SPTBN1: variants seen among roughly 807,000 people sequenced by gnomAD.
The protein encoded by SPTBN1 is spectrin beta chain, non-erythrocytic 1.
SPTBN1 carries 32 observed loss-of-function variants against 266.4 expected under a neutral mutation model. The observed-to-expected ratio is 0.12, with a 90% CI of 0.09 to 0.16. The LOEUF (loss-of-function observed/expected upper bound fraction) is 0.16. Ranked by LOEUF, SPTBN1 falls within the 10% of genes least tolerant of loss-of-function variation. The pLI, the probability that SPTBN1 is intolerant of heterozygous loss-of-function variation, is 1.00. For synonymous variants in SPTBN1, 1,336 were observed against 1,162.2 expected, an observed-to-expected ratio of 1.15 and a Z score of -3.04; for missense variants, 2,296 against 3,067.1, an observed-to-expected ratio of 0.75 and a Z score of 5.94.
chr2:54,646,481 A>G lies in SPTBN1; in HGVS notation c.4866+6A>G. On this transcript the variant is annotated splice_donor_region_variant and intron_variant, in intron 23 of 35. Coordinates refer to ENST00000356805, the MANE Select transcript of SPTBN1 (RefSeq NM_003128.3). This position sits in a 1 kb window ranked among gnomAD's most constrained non-coding sequence, Gnocchi z 4.4. ...TGTCAGAGGAGAAGGCCAAGGTGAGAGGAGGCGGGAAGCATCCCTGTCCCA... is the reference window on the plus strand; with the variant it reads ...TGTCAGAGGAGAAGGCCAAGGTGAGGGGAGGCGGGAAGCATCCCTGTCCCA... The G allele has an allele frequency of 1.3e-6, 2 of 1,501,266 alleles. No individual in the cohort carries two copies. The highest frequency in any genetic ancestry group is 2.3e-5 in the East Asian group (1 of 43,070). The allele number at this position is 1,501,266 out of a possible 1,614,324, so 93.0% of individuals were successfully genotyped here. A position where few individuals can be genotyped will look rare whatever the true frequency, so the allele number is the denominator to read the frequency against.
At chr2:54,622,561 G>C in intron 9 of SPTBN1, 74 bp downstream of exon 9, 1 of 1,520,860 alleles carries the variant, frequency 6.6e-7, no homozygotes, top group Non-Finnish European at 9.0e-7. Flanking sequence ...CCTATGTTCT[G>C]ATTTCTGTAA....
intron 1 of SPTBN1, among the ~76,000 whole-genome samples, chr2:54,498,176 G>A (rs1221356527): frequency 1.3e-5 from 2 of 152,202 alleles, no homozygotes; most frequent in Non-Finnish European, 2.9e-5. Context: ...CTGAAAGGCA[G>A]CAAGAGAGTA....
intron 2 of SPTBN1, among the ~76,000 whole-genome samples, chr2:54,567,758 C>T (rs1176229323): frequency 1.3e-5 from 2 of 152,030 alleles, no homozygotes; most frequent in Admixed American, 6.6e-5. Flanking sequence ...TTTCTTAACT[C>T]TGGTCACTGA....
intron 30 of SPTBN1, 98 bp downstream of exon 30, chr2:54,658,144 T>A: frequency 6.8e-7 from 1 of 1,474,100 alleles, no homozygotes; most frequent in Non-Finnish European, 9.2e-7. Context: ...TGCTTGTTTT[T>A]GTTTTTTGGG....
chr2:54,570,495 G>T (rs1258058367), intron 2 of SPTBN1, among the ~76,000 whole-genome samples: 6 of 152,180 alleles, frequency 3.9e-5, no homozygotes, highest in African/African-American at 1.2e-4. Context: ...GTTCTACGCT[G>T]GTGGCAAGGA....
rs563593198 is a variant in SPTBN1, at chr2:54,655,291, A to G, written c.5961+83A>G. On this transcript the variant is annotated intron_variant, in intron 28 of 35. Transcript: ENST00000356805. Reference sequence around the variant, plus strand: ...TTTTATATGTTTGTGTGTGTCAGAGATACTGTGTTTACATTCTTATACACA... The same window carrying G: ...TTTTATATGTTTGTGTGTGTCAGAGGTACTGTGTTTACATTCTTATACACA... 21 of 1,540,896 alleles carry G rather than the reference A, an allele frequency of 1.4e-5. No homozygotes were observed. The East Asian group carries it at 3.6e-4, about 27-fold the overall frequency.
At chr2:54,609,419 C>T (rs963603751) in intron 3 of SPTBN1, among the ~76,000 whole-genome samples, 1 of 152,182 alleles carries the variant, frequency 6.6e-6, no homozygotes, top group African/African-American at 2.4e-5. Flanking sequence ...ATCTGGACAT[C>T]ATTTTCTTCA....
In SPTBN1 at chr2:54,631,751, C is replaced by T. The variant is rs1318121181; in HGVS notation, c.3564+140C>T. ...AATTTAGAGACTGATTTTTTTTTCCCCATACTCTTAAGGCATTGAAATCCA... is the reference window on the plus strand; with the variant it reads ...AATTTAGAGACTGATTTTTTTTTCCTCATACTCTTAAGGCATTGAAATCCA... On this transcript the variant is annotated intron_variant, in intron 16 of 35. Transcript: ENST00000356805. 2.6e-6 allele frequency: 3 copies of T among 1,157,994 alleles called. No homozygotes were observed. In the East Asian group the frequency reaches 7.4e-5, roughly 29 times the overall value. The allele number at this position is 1,157,994 out of a possible 1,614,324, so 71.7% of individuals were successfully genotyped here. A position where few individuals can be genotyped will look rare whatever the true frequency, so the allele number is the denominator to read the frequency against.
intron 26 of SPTBN1, among the ~76,000 whole-genome samples, chr2:54,650,663 A>G (rs568203842): frequency 6.6e-6 from 1 of 152,346 alleles, no homozygotes; most frequent in East Asian, 1.9e-4. Flanking sequence ...TTAAGAGTAT[A>G]TTGAGTATCT....
In SPTBN1 at chr2:54,653,620, G is replaced by A. The variant is rs1490717058; in HGVS notation, c.5589G>A (p.Leu1863=). ...ACATGGCTTCACAGGTGAGGCAGCTGCAGGAGGATGCAGCCCGCCTCCAGG... is the reference window on the plus strand; with the variant it reads ...ACATGGCTTCACAGGTGAGGCAGCTACAGGAGGATGCAGCCCGCCTCCAGG... The part of the protein sequence containing the change: ...IQALGTQVRQ[L]QEDAARLQAA... Residue 1863 remains leucine (L), a synonymous_variant, in exon 27 of 36, where the codon CTG becomes CTA. Transcript: ENST00000356805. This position sits in a 1 kb window ranked among gnomAD's most constrained non-coding sequence, Gnocchi z 5.1. 6.2e-7 allele frequency: 1 copy of A among 1,613,512 alleles called. No individual in the cohort carries two copies. Among genetic ancestry groups the A allele is most frequent in the South Asian group, 1.1e-5 (1 of 91,060 alleles).
Position 54,631,345 on chromosome 2 carries a change from C to G in SPTBN1, c.3298C>G (p.Leu1100Val). 1 of 1,614,280 alleles carries G rather than the reference C, an allele frequency of 6.2e-7. No homozygotes were observed. Among genetic ancestry groups the G allele is most frequent in the Non-Finnish European group, 8.5e-7 (1 of 1,180,052 alleles). The change falls in exon 16 of 36, where the codon CTG becomes GTG. Residue 1100 changes from leucine to valine, a missense_variant. By Grantham distance (32) the Leu-to-Val change is conservative (BLOSUM62 1). Transcript: ENST00000356805. The part of the protein sequence containing the change: ...MPNTLTEAEK[L>V]LTQHENIKNE... ...AAACACCCTGACCGAGGCTGAGAAGCTGCTCACGCAGCACGAGAACATCAA... is the reference window on the plus strand; with the variant it reads ...AAACACCCTGACCGAGGCTGAGAAGGTGCTCACGCAGCACGAGAACATCAA...
intron 2 of SPTBN1, chr2:54,527,848 T>G (rs1046334062): frequency 6.6e-6 from 1 of 152,252 alleles, no homozygotes; most frequent in Non-Finnish European, 1.5e-5. Flanking sequence ...TCATGTGCTG[T>G]TAACTTCTAA....
intron 10 of SPTBN1, 106 bp from the exon 11 acceptor site, chr2:54,624,698 T>C: frequency 1.3e-6 from 2 of 1,489,184 alleles, no homozygotes; most frequent in Non-Finnish European, 1.8e-6. Flanking sequence ...CCATTCAAGC[T>C]GTCAGGTCCT....
Position 54,659,951 on chromosome 2 carries a change from A to G in SPTBN1, c.6372A>G (p.Gly2124=). The change falls in exon 32 of 36, where the codon GGA becomes GGG. Residue 2124 remains glycine (G), a synonymous_variant. Transcript: ENST00000356805. The part of the protein sequence containing the change: ...ESQQQWDTSK[G]EQVSQNGLPA... ...TCCCTAACAGGGATACTTCAAAAGG[A>G]GAACAAGTTTCCCAAAACGGTTTGC... is the stretch of plus-strand genomic sequence containing the variant. 1 of 1,614,140 alleles carries G rather than the reference A, an allele frequency of 6.2e-7. No homozygotes were observed. The highest frequency in any genetic ancestry group is 8.5e-7 in the Non-Finnish European group (1 of 1,180,032).
intron 1 of SPTBN1, among the ~76,000 whole-genome samples, chr2:54,471,318 C>G (rs764356428): frequency 7.2e-5 from 11 of 152,208 alleles, no homozygotes; most frequent in Non-Finnish European, 1.0e-4. Context: ...CCCTTGGTAT[C>G]AGTTCTCCTT....
Position 54,670,424 on chromosome 2 carries a change from C to T in SPTBN1, c.*1855C>T, listed in dbSNP as rs932526467. On this transcript the variant is annotated 3_prime_UTR_variant, in exon 36 of 36. Coordinates refer to ENST00000356805, the MANE Select transcript of SPTBN1 (RefSeq NM_003128.3). Reference sequence around the variant, plus strand: ...AAGACCATGCCTAAGGTGGCATCAGCCCTGGGCTCCACAGCTGCGTGGCAT... The same window carrying T: ...AAGACCATGCCTAAGGTGGCATCAGTCCTGGGCTCCACAGCTGCGTGGCAT... The T allele has an allele frequency of 2.9e-6, 1 of 343,986 alleles. No individual in the cohort carries two copies. The highest frequency in any genetic ancestry group is 4.3e-5 in the East Asian group (1 of 23,342). The allele number at this position is 343,986 out of a possible 1,614,324, so 21.3% of individuals were successfully genotyped here.
chr2:54,469,706 A>G (rs939940513), intron 1 of SPTBN1, among the ~76,000 whole-genome samples: 8 of 152,196 alleles, frequency 5.3e-5, no homozygotes, highest in Admixed American at 5.2e-4. Context: ...GGGGGCTGGA[A>G]TGTGGCCTTA....
At chr2:54,585,433 TA>T (rs1195471169) in intron 2 of SPTBN1, among the ~76,000 whole-genome samples, 1 of 146,268 alleles carries the variant, frequency 6.8e-6, no homozygotes, top group East Asian at 1.9e-4. Context: ...CCTCCTCTAT[TA>T]AAACAAGGCA....
chr2:54,603,729 A>G (rs79254608), intron 3 of SPTBN1, among the ~76,000 whole-genome samples: 10,692 of 152,292 alleles, frequency 0.07, 491 homozygotes, highest in Middle Eastern at 0.13. Flanking sequence ...GCTTTGTAGC[A>G]TATTAGAAGA....
Sources: allele counts gnomAD v4.1 joint callset (sites outside exome capture counted in the v4.1 genomes callset), GRCh38; gene constraint gnomAD v4.1.1; non-coding constraint Gnocchi (gnomAD v3.1); transcripts MANE v1.5; gene names NCBI Gene and HGNC (gene_info 2026-07-23, HGNC 2026-07-21).